The following USP3 variants were observed in gnomAD, a reference collection of about 807,000 sequenced individuals.
USP3 encodes ubiquitin carboxyl-terminal hydrolase 3.
A neutral mutation model predicts 72.3 loss-of-function variants in USP3; 20 were observed. That is an observed-to-expected ratio of 0.28 (90% CI 0.19 to 0.40). The LOEUF (loss-of-function observed/expected upper bound fraction) is 0.40. Among genes scored for constraint, USP3 ranks in the 10% least tolerant of loss-of-function variants. USP3 has a pLI of 1.00. For missense variants in USP3, 479 were observed against 633.9 expected (o/e 0.76, Z 2.62); for synonymous variants, 222 against 225.3 (o/e 0.99, Z 0.13).
intron 6 of USP3, among the ~76,000 whole-genome samples, chr15:63,558,934 G>A (rs1222243774): frequency 4.6e-5 from 7 of 151,932 alleles, no homozygotes; most frequent in African/African-American, 9.7e-5. Flanking sequence ...TTTAAAACTC[G>A]CTTTAAGAGC....
chr15:63,537,485 A>G (rs905438560), intron 3 of USP3, among the ~76,000 whole-genome samples: 4 of 152,110 alleles, frequency 2.6e-5, no homozygotes, highest in African/African-American at 7.2e-5. Flanking sequence ...GTGATAACCC[A>G]TGTTCAAAAT....
At chr15:63,575,167 T>G (rs2066843178) in intron 11 of USP3, among the ~76,000 whole-genome samples, 1 of 151,490 alleles carries the variant, frequency 6.6e-6, no homozygotes, top group Non-Finnish European at 1.5e-5. Context: ...GGTTTTTTTT[T>G]TTTTTTTTTT....
intron 4 of USP3, among the ~76,000 whole-genome samples, chr15:63,554,582 A>G (rs559650198): frequency 4.6e-5 from 7 of 152,236 alleles, no homozygotes; most frequent in Non-Finnish European, 8.8e-5. Flanking sequence ...GTTGATGTGT[A>G]GAAGGTATTG....
In USP3 at chr15:63,593,975, G is replaced by A. The variant is rs1460278204; in HGVS notation, c.*3149G>A. 2 of 152,220 alleles carry A rather than the reference G, an allele frequency of 1.3e-5. No homozygotes were observed. Among genetic ancestry groups the A allele is most frequent in the Non-Finnish European group, 2.9e-5 (2 of 68,042 alleles). 9.4% of individuals were successfully genotyped at this position (152,220 alleles called of 1,614,324 possible). On this transcript the variant is annotated 3_prime_UTR_variant, in exon 15 of 15. Coordinates refer to ENST00000380324, the MANE Select transcript of USP3 (RefSeq NM_006537.4). ...CTCTCTCCATGGTGGAGAAACCTTTGCTTATCCACTGTATTCTACTCAGTG... is the reference window on the plus strand; with the variant it reads ...CTCTCTCCATGGTGGAGAAACCTTTACTTATCCACTGTATTCTACTCAGTG...
At chr15:63,573,812 T>C (rs1375816711) in intron 9 of USP3, among the ~76,000 whole-genome samples, 2 of 152,080 alleles carry the variant, frequency 1.3e-5, no homozygotes, top group African/African-American at 2.4e-5. Context: ...TTGGGGAAAG[T>C]AGTGGGATTG....
intron 2 of USP3, among the ~76,000 whole-genome samples, chr15:63,534,907 CTTTT>C (rs2066132248): frequency 8.1e-6 from 1 of 123,578 alleles, no homozygotes; most frequent in African/African-American, 3.3e-5. Context: ...TAGAGTTTGC[CTTTT>C]ATTTGTTTAT....
At chr15:63,547,796 GAGAGGCATAGAGAGAGGCAT>G (rs2066362460) in intron 3 of USP3, among the ~76,000 whole-genome samples, 13 of 108,716 alleles carry the variant, frequency 1.2e-4, no homozygotes, top group Non-Finnish European at 2.2e-4. Context: ...GAGAGAGAGA[GAGAGGCATAGAGAGAGGCAT>G]AGAGAGAGAG....
At chr15:63,555,294 G>T (rs955154533) in intron 4 of USP3, among the ~76,000 whole-genome samples, 1 of 152,144 alleles carries the variant, frequency 6.6e-6, no homozygotes. Flanking sequence ...TAGAAACTAC[G>T]ATCATATTTG....
intron 1 of USP3, among the ~76,000 whole-genome samples, chr15:63,506,878 CCACACTCTGAATTGAACCCATTTTATGTA>C (rs1351637976): frequency 1.3e-5 from 2 of 152,160 alleles, no homozygotes; most frequent in Non-Finnish European, 2.9e-5. Context: ...TTGTGTGAGT[CCACACTCTGAATTGAACCCATTTTATGTA>C]GGCCTCCCGT....
intron 1 of USP3, among the ~76,000 whole-genome samples, chr15:63,505,766 G>A (rs918419630): frequency 6.6e-6 from 1 of 152,216 alleles, no homozygotes; most frequent in African/African-American, 2.4e-5. Context: ...GCTAGTCTTT[G>A]TTTATTAGCT....
intron 1 of USP3, among the ~76,000 whole-genome samples, chr15:63,514,836 G>A (rs1052670866): frequency 6.6e-6 from 1 of 152,106 alleles, no homozygotes; most frequent in Admixed American, 6.5e-5. Flanking sequence ...GTCTTTTGAA[G>A]TGCCACCACT....
In USP3 at chr15:63,504,653, G is replaced by T. The variant is rs2065683219; in HGVS notation, c.-87G>T. 8.3e-6 allele frequency: 10 copies of T among 1,200,660 alleles called. No homozygotes were observed. Among genetic ancestry groups the T allele is most frequent in the South Asian group, 1.6e-5 (1 of 60,854 alleles). 74.4% of individuals were successfully genotyped at this position (1,200,660 alleles called of 1,614,324 possible). A position where few individuals can be genotyped will look rare whatever the true frequency, so the allele number is the denominator to read the frequency against. On this transcript the variant is annotated 5_prime_UTR_variant, in exon 1 of 15. Coordinates refer to ENST00000380324, the MANE Select transcript of USP3 (RefSeq NM_006537.4). ...GTCGGCCGAGCGCCCGGCTAGAAGC[G>T]ACACCAGACGGAGCCTCCGGAGTTC... is the stretch of plus-strand genomic sequence containing the variant.
intron 1 of USP3, among the ~76,000 whole-genome samples, chr15:63,520,352 G>A (rs939712542): frequency 2.0e-5 from 3 of 152,030 alleles, no homozygotes; most frequent in Non-Finnish European, 4.4e-5. Flanking sequence ...AGAGAAAATA[G>A]TTCCAGAATT....
intron 11 of USP3, among the ~76,000 whole-genome samples, chr15:63,584,921 A>C (rs375189733): frequency 1.3e-5 from 2 of 152,058 alleles, no homozygotes; most frequent in South Asian, 4.1e-4. Context: ...GATCTATTTA[A>C]ATTTTTGTAT....
intron 3 of USP3, among the ~76,000 whole-genome samples, chr15:63,549,548 TC>T (rs2066405454): frequency 6.6e-6 from 1 of 152,232 alleles, no homozygotes. Context: ...GTATTTTTTT[TC>T]ATAGGTTTTG....
At chr15:63,539,046 A>G (rs1301244799) in intron 3 of USP3, among the ~76,000 whole-genome samples, 1 of 151,978 alleles carries the variant, frequency 6.6e-6, no homozygotes, top group Non-Finnish European at 1.5e-5. Context: ...TGTGAAACAC[A>G]CCTACCAAAG....
At chr15:63,565,031 A>C (rs1241903364) in intron 8 of USP3, among the ~76,000 whole-genome samples, 1 of 152,128 alleles carries the variant, frequency 6.6e-6, no homozygotes, top group Admixed American at 6.5e-5. Flanking sequence ...ATCTTGATTT[A>C]TGTTTATTTA....
At position 63,574,339 on chromosome 15, in the gene USP3, T is replaced by C; in HGVS notation, c.1032T>C (p.Ile344=). Reference sequence around the variant, plus strand: ...CCTTTTAAGACCTTTCATTAGATATTCCAAGTCAGTTCAGAAGTAAGCGCT... The same window carrying C: ...CCTTTTAAGACCTTTCATTAGATATCCCAAGTCAGTTCAGAAGTAAGCGCT... ...FDPFLDLSLD[I]PSQFRSKRSK... Residue 344 remains isoleucine, a synonymous_variant, in exon 11 of 15, where the codon ATT becomes ATC. Coordinates refer to ENST00000380324, the MANE Select transcript of USP3 (RefSeq NM_006537.4). This position sits in a 1 kb window ranked among gnomAD's most constrained non-coding sequence, Gnocchi z 4.6. 1 of 1,602,696 alleles carries C rather than the reference T, an allele frequency of 6.2e-7. No individual in the cohort carries two copies. Among genetic ancestry groups the C allele is most frequent in the Non-Finnish European group, 8.5e-7 (1 of 1,175,472 alleles).
chr15:63,545,444 C>G (rs1235930555), intron 3 of USP3, among the ~76,000 whole-genome samples: 1 of 152,152 alleles, frequency 6.6e-6, no homozygotes, highest in Non-Finnish European at 1.5e-5. Context: ...CTAATCTTTA[C>G]ATACCCAAGA....
Sources: gnomAD v4.1 joint callset for allele counts (sites outside exome capture counted in the v4.1 genomes callset) on GRCh38, gnomAD v4.1.1 for gene constraint, Gnocchi (gnomAD v3.1) non-coding constraint, MANE v1.5 for transcripts, NCBI Gene and HGNC (gene_info 2026-07-23, HGNC 2026-07-21) for gene names.